The following ITGA2B variants were observed in gnomAD, a reference collection of about 807,000 sequenced individuals.
ITGA2B encodes integrin alpha-IIb.
Under a neutral mutation model 142.0 loss-of-function variants are expected in ITGA2B, and 91 were observed. That is an observed-to-expected ratio of 0.64 (90% CI 0.54 to 0.76). ITGA2B has a LOEUF of 0.76. Among genes scored for constraint, ITGA2B ranks in the 30% least tolerant of loss-of-function variants. The probability of loss-of-function intolerance (pLI) is 0.00; values close to 1 mark genes in which losing one functional copy is unlikely to be tolerated. For missense variants in ITGA2B, 1,231 were observed against 1,350.8 expected (o/e 0.91, Z 1.39); for synonymous variants, 536 against 567.2 (o/e 0.94, Z 0.78).
intron 21 of ITGA2B, 72 bp from the exon 22 acceptor site, chr17:44,377,160 TC>T: frequency 1.8e-6 from 2 of 1,107,128 alleles, no homozygotes; most frequent in Non-Finnish European, 2.7e-6. Context: ...GAATGTGGCC[TC>T]CAGTCTTCAC....
In ITGA2B at chr17:44,383,884, C is replaced by T. The variant is rs772294042; in HGVS notation, c.998+10G>A. 5 of 1,613,234 alleles carry T rather than the reference C, an allele frequency of 3.1e-6. No homozygotes were observed. The South Asian group carries it at 4.4e-5, about 14-fold the overall frequency. Reference sequence around the variant, plus strand: ...CCAACTGGGTAGGGGTGGGGCATGTCCCTCCTCACCCATCCCCGTTGACGT... The same window carrying T: ...CCAACTGGGTAGGGGTGGGGCATGTTCCTCCTCACCCATCCCCGTTGACGT... On this transcript the variant is annotated intron_variant, in intron 11 of 29. Coordinates refer to ENST00000262407, the MANE Select transcript of ITGA2B (RefSeq NM_000419.5).
chr17:44,379,678 C>G lies in ITGA2B; in HGVS notation c.1878+11G>C, dbSNP rs995604286. 6.2e-7 allele frequency: 1 copy of G among 1,613,540 alleles called. No individual in the cohort carries two copies. The highest frequency in any genetic ancestry group is 1.3e-5 in the African/African-American group (1 of 74,828). On this transcript the variant is annotated intron_variant, in intron 18 of 29. Coordinates refer to ENST00000262407, the MANE Select transcript of ITGA2B (RefSeq NM_000419.5). The stretch of plus-strand genomic sequence containing the variant: ...CCTGCACCTCCCTGGCCTGTCCCTG[C>G]CTGTCCCTACCTGCTCCTGCACATG...
rs137852911 is a variant in ITGA2B at position 44,385,193 on chromosome 17, A to C, written c.641T>G (p.Leu214Arg). 1 of 1,614,052 alleles carries C rather than the reference A, an allele frequency of 6.2e-7. No homozygotes were observed. The highest frequency in any genetic ancestry group is 1.1e-5 in the South Asian group (1 of 91,084). The change falls in exon 6 of 30, where the codon CTT (leucine) becomes CGT (arginine). Residue 214 changes from leucine to arginine, a missense_variant. Physicochemically the swap from Leu to Arg is moderately radical, Grantham distance 102 (BLOSUM62 -2). Around this residue, in one of 3 missense-constraint regions of ITGA2B, gnomAD observed 318 missense variants for 312.2 expected, o/e 1.02. Transcript: ENST00000262407. ...SVVTQAGELV[L>R]GAPGGYYFLG... is the part of the protein sequence containing the mutation. ...GAAATAATAGCCGCCAGGAGCCCCAAGCACCAGCTCTCCGGCCTGGAAGGG... is the reference window on the plus strand; with the variant it reads ...GAAATAATAGCCGCCAGGAGCCCCACGCACCAGCTCTCCGGCCTGGAAGGG...
chr17:44,386,181 G>A, intron 1 of ITGA2B, 50 bp from the exon 2 acceptor site: 1 of 1,546,490 alleles, frequency 6.5e-7, no homozygotes, highest in Non-Finnish European at 8.7e-7. Context: ...CGTATCCCAG[G>A]CCCTGGCGCC....
chr17:44,383,651 C>T lies in ITGA2B; in HGVS notation c.1052G>A (p.Arg351Gln), dbSNP rs1271894177. The T allele has an allele frequency of 1.3e-6, 2 of 1,596,830 alleles. No individual in the cohort carries two copies. The highest frequency in any genetic ancestry group is 1.7e-5 in the Admixed American group (1 of 57,724). ...APLYMESRAD[R>Q]KLAEVGRVYL... Reference sequence around the variant, plus strand: ...CACACGCCCCACTTCGGCCAGTTTTCGGTCTGCCCGGCTCTCCATATACAG... The same window carrying T: ...CACACGCCCCACTTCGGCCAGTTTTTGGTCTGCCCGGCTCTCCATATACAG... Residue 351 changes from arginine (R) to glutamine (Q), a missense_variant, in exon 12 of 30, where the codon CGA becomes CAA. Transcript: ENST00000262407.
At chr17:44,373,312 A>G (rs938259343) in intron 29 of ITGA2B, among the ~76,000 whole-genome samples, 4 of 151,536 alleles carry the variant, frequency 2.6e-5, no homozygotes, top group African/African-American at 9.7e-5. Context: ...TAATTTTTGT[A>G]TTTTTAGTAG....
At position 44,378,706 on chromosome 17, in the gene ITGA2B, C is replaced by A; in HGVS notation, c.1883G>T (p.Arg628Leu). ...HGDTHVQEQT[R>L]IVLDCGEDDV... ...ATCTTCCCCACAGTCCAGGACGATT[C>A]GTGTCTAGAGGGGCACATTGGGGTG... Residue 628 changes from arginine to leucine, a missense_variant, in exon 19 of 30, where the codon CGA becomes CTA. Arg to Leu is a moderately radical substitution (Grantham distance 102, BLOSUM62 -2). Transcript: ENST00000262407. 6.4e-7 allele frequency: 1 copy of A among 1,555,886 alleles called. No individual in the cohort carries two copies. The highest frequency in any genetic ancestry group is 8.7e-7 in the Non-Finnish European group (1 of 1,149,076).
At chr17:44,376,440 C>G in intron 22 of ITGA2B, 52 bp from the exon 23 acceptor site, 12 of 1,574,044 alleles carry the variant, frequency 7.6e-6, no homozygotes, top group Non-Finnish European at 1.0e-5. Context: ...AGCCCAGTGA[C>G]TTTCTGGGGG....
Position 44,375,103 on chromosome 17 carries a change from G to T in ITGA2B, c.2736C>A (p.Asp912Glu). The T allele has an allele frequency of 6.5e-7, 1 of 1,549,134 alleles. No individual in the cohort carries two copies. The highest frequency in any genetic ancestry group is 8.7e-7 in the Non-Finnish European group (1 of 1,146,874). The part of the protein sequence containing the change: ...RLQDPVLVSC[D>E]SAPCTVVQCD... ...ACTGCACCACAGTACAGGGCGCCGA[G>T]TCGCAGCTCTGAGGGGAAGCATCGT... The change falls in exon 27 of 30, where the codon GAC (aspartate) becomes GAA (glutamate). Residue 912 changes from aspartate (D) to glutamate (E), a missense_variant. Coordinates refer to ENST00000262407, the MANE Select transcript of ITGA2B (RefSeq NM_000419.5).
At chr17:44,388,138 G>A (rs1444292673) in intron 1 of ITGA2B, among the ~76,000 whole-genome samples, 5 of 152,088 alleles carry the variant, frequency 3.3e-5, no homozygotes, top group Admixed American at 1.3e-4. Context: ...CAGGGTACAC[G>A]CTATGAAGAG....
In ITGA2B at chr17:44,379,752, C is replaced by T. The variant is rs5912; in HGVS notation, c.1815G>A (p.Pro605=). 7.8e-3 allele frequency: 12,597 copies of T among 1,613,830 alleles called. 113 individuals are homozygous for T. The highest frequency in any genetic ancestry group is 0.039 in the African/African-American group (2,917 of 74,978). The part of the protein sequence containing the change: ...PIVLSLNVSL[P]PTEAGMAPAV... ...CAGGGGCCATTCCAGCCTCCGTGGG[C>T]GGTAGGGACACATTGAGGCTGAGCA... is the stretch of plus-strand genomic sequence containing the variant. The change falls in exon 18 of 30, where the codon CCG becomes CCA. Residue 605 remains proline, a synonymous_variant. Transcript: ENST00000262407.
intron 1 of ITGA2B, 49 bp downstream of exon 1, chr17:44,389,237 G>T: frequency 6.3e-7 from 1 of 1,597,426 alleles, no homozygotes; most frequent in Non-Finnish European, 8.6e-7. Flanking sequence ...AGCAGTGATG[G>T]GGAGGGGTCC....
rs1227431092 is a variant in ITGA2B, at chr17:44,385,589, C to T, written c.536G>A (p.Gly179Glu). The T allele has an allele frequency of 1.2e-6, 2 of 1,608,742 alleles. No individual in the cohort carries two copies. The highest frequency in any genetic ancestry group is 1.7e-6 in the Non-Finnish European group (2 of 1,178,706). ...CACGTAAATGCGGCTCAGGGTGTTCCCGCGACAGGGGGAGTACTCGGCGCG... is the reference window on the plus strand; with the variant it reads ...CACGTAAATGCGGCTCAGGGTGTTCTCGCGACAGGGGGAGTACTCGGCGCG... ...GRRAEYSPCR[G>E]NTLSRIYVEN... The change falls in exon 4 of 30, where the codon GGG becomes GAG. Residue 179 changes from glycine (G) to glutamate (E), a missense_variant. By Grantham distance (98) the Gly-to-Glu change is moderately conservative (BLOSUM62 -2). This residue lies in a region of ITGA2B where 318 missense variants were observed against 312.2 expected (regional missense o/e 1.02). Transcript: ENST00000262407.
chr17:44,383,265 C>A (rs1390273527), intron 12 of ITGA2B, among the ~76,000 whole-genome samples: 1 of 152,172 alleles, frequency 6.6e-6, no homozygotes, highest in African/African-American at 2.4e-5. Context: ...AACTCCACTG[C>A]CAAAATCCAC....
At chr17:44,382,301 T>C (rs954416399) in intron 12 of ITGA2B, among the ~76,000 whole-genome samples, 2 of 143,816 alleles carry the variant, frequency 1.4e-5, no homozygotes, top group African/African-American at 5.4e-5. Context: ...GTCAAACATG[T>C]TTTTTTTTTT....
At position 44,383,631 on chromosome 17, in the gene ITGA2B, G is replaced by A. The variant is rs1026539797; in HGVS notation, c.1072C>T (p.Arg358Cys). 1.2e-6 allele frequency: 2 copies of A among 1,604,036 alleles called. No individual in the cohort carries two copies. The highest frequency in any genetic ancestry group is 8.5e-7 in the Non-Finnish European group (1 of 1,175,826). ...CGCGGCTGCAGGAACAAATACACAC[G>A]CCCCACTTCGGCCAGTTTTCGGTCT... is the stretch of plus-strand genomic sequence containing the variant. ...RADRKLAEVG[R>C]VYLFLQPRGP... Residue 358 changes from arginine (R) to cysteine (C), a missense_variant, in exon 12 of 30, where the codon CGT becomes TGT. Around this residue, in one of 3 missense-constraint regions of ITGA2B, gnomAD observed 908 missense variants for 1,021.1 expected, o/e 0.89. Transcript: ENST00000262407.
At chr17:44,388,458 A>G (rs1404217162) in intron 1 of ITGA2B, among the ~76,000 whole-genome samples, 1 of 148,668 alleles carries the variant, frequency 6.7e-6, no homozygotes, top group Non-Finnish European at 1.5e-5. Context: ...TCAGGTTCAA[A>G]CGATTCTCCT....
Position 44,384,956 on chromosome 17 carries a change from C to G in ITGA2B, c.791G>C (p.Gly264Ala), listed in dbSNP as rs752656042. 6.2e-7 allele frequency: 1 copy of G among 1,614,066 alleles called. No individual in the cohort carries two copies. Among genetic ancestry groups the G allele is most frequent in the Non-Finnish European group, 8.5e-7 (1 of 1,180,006 alleles). ...FDSSNPEYFD[G>A]YWGYSVAVGE... ...TGGAATGGCGGTGTTACCCCAGTAG[C>G]CGTCGAAGTACTCTGGGTTGCTGGA... The change falls in exon 7 of 30, where the codon GGC becomes GCC. Residue 264 changes from glycine to alanine, a missense_variant. Physicochemically the swap from Gly to Ala is moderately conservative, Grantham distance 60. Transcript: ENST00000262407.
rs79657230 is a variant in ITGA2B, at chr17:44,374,673, G to A, written c.2929C>T (p.Arg977Ter). ...CCCACACTCACCTGAGCTTCCCCTC[G>A]GGGCAGGCTGAGCGGGGGCACCGCA... is the stretch of plus-strand genomic sequence containing the variant. ...PYAVPPLSLP[R>*]GEAQVWTQLL... Residue 977 changes from arginine (R) to a stop codon, truncating the protein, a stop_gained, in exon 28 of 30, where the codon CGA becomes TGA. Coordinates refer to ENST00000262407, the MANE Select transcript of ITGA2B (RefSeq NM_000419.5). LOFTEE classifies it high-confidence loss of function. 4 of 1,613,796 alleles carry A rather than the reference G, an allele frequency of 2.5e-6. No homozygotes were observed. Among genetic ancestry groups the A allele is most frequent in the South Asian group, 2.2e-5 (2 of 91,070 alleles).
Sources: allele counts gnomAD v4.1 joint callset (sites outside exome capture counted in the v4.1 genomes callset), GRCh38; gene constraint gnomAD v4.1.1; regional missense constraint gnomAD v4.1.1; transcripts MANE v1.5; gene names NCBI Gene and HGNC (gene_info 2026-07-23, HGNC 2026-07-21).